EFCAB13: variants seen among roughly 807,000 people sequenced by gnomAD.
EFCAB13 encodes the protein EF-hand calcium binding domain 13.
A neutral mutation model predicts 110.2 loss-of-function variants in EFCAB13; 91 were observed. That is an observed-to-expected ratio of 0.83 (90% CI 0.70 to 0.98). The LOEUF (loss-of-function observed/expected upper bound fraction) is 0.98. EFCAB13 is among the 50% of genes least tolerant of loss of function. The pLI is 0.00. For synonymous variants in EFCAB13, 323 were observed against 369.9 expected (o/e 0.87, Z 1.45); for missense variants, 968 against 1,119.4 (o/e 0.86, Z 1.93).
intron 6 of EFCAB13, 95 bp downstream of exon 6, chr17:47,342,127 TCA>T: frequency 1.5e-6 from 1 of 687,572 alleles, no homozygotes; most frequent in Non-Finnish European, 2.5e-6. Flanking sequence ...TGTTGAAATG[TCA>T]CAGTCTTAAA....
intron 12 of EFCAB13, 100 bp downstream of exon 12, chr17:47,375,066 C>T (rs2143363166): frequency 1.6e-6 from 2 of 1,253,620 alleles, no homozygotes; most frequent in Non-Finnish European, 2.1e-6. Context: ...TGTTAACACC[C>T]TGGGTAACCA....
At chr17:47,413,153 A>G (rs12051702) in intron 22 of EFCAB13, among the ~76,000 whole-genome samples, 3,447 of 152,298 alleles carry the variant, frequency 0.023, 113 homozygotes, top group East Asian at 0.18. Flanking sequence ...ACTTATAAGC[A>G]TGGGTGGAAA....
intron 24 of EFCAB13, among the ~76,000 whole-genome samples, chr17:47,434,625 A>G: frequency 6.6e-6 from 1 of 152,212 alleles, no homozygotes; most frequent in Non-Finnish European, 1.5e-5. Flanking sequence ...GGAGCATCAC[A>G]TTACCTGTCT....
At chr17:47,422,383 G>C (rs888882016) in intron 23 of EFCAB13, among the ~76,000 whole-genome samples, 5 of 152,070 alleles carry the variant, frequency 3.3e-5, no homozygotes, top group Admixed American at 1.3e-4. Flanking sequence ...GGAAGTCCTA[G>C]CCAGTATCAC....
At position 47,379,166 on chromosome 17, in the gene EFCAB13, C is replaced by T. The variant is rs1177603716; in HGVS notation, c.1511-16C>T. On this transcript the variant is annotated splice_polypyrimidine_tract_variant and intron_variant, in intron 13 of 24. Transcript: ENST00000331493. ...AATACACCAGAATGTATAATCTAAA[C>T]TCTTTTTAAAAACAGAGAATGGAAT... 4 of 1,606,758 alleles carry T rather than the reference C, an allele frequency of 2.5e-6. No homozygotes were observed. The highest frequency in any genetic ancestry group is 2.6e-6 in the Non-Finnish European group (3 of 1,174,100).
chr17:47,383,722 C>T (rs968163651), intron 14 of EFCAB13, among the ~76,000 whole-genome samples: 6 of 151,850 alleles, frequency 4.0e-5, no homozygotes, highest in African/African-American at 1.5e-4. Flanking sequence ...AGAATAAGTG[C>T]GATGTAGTGC....
At chr17:47,406,425 A>G (rs1401965593) in intron 20 of EFCAB13, among the ~76,000 whole-genome samples, 1 of 152,154 alleles carries the variant, frequency 6.6e-6, no homozygotes, top group Middle Eastern at 3.2e-3. Context: ...AGCAATTTAA[A>G]TGTCATTGTT....
At chr17:47,370,734 G>GTTTTTT (rs1567790272) in intron 11 of EFCAB13, among the ~76,000 whole-genome samples, 1 of 87,620 alleles carries the variant, frequency 1.1e-5, no homozygotes. Flanking sequence ...TGTTGTTGTT[G>GTTTTTT]TTTGTTTTTT....
chr17:47,352,067 A>T (rs1277541577), intron 9 of EFCAB13, among the ~76,000 whole-genome samples: 1 of 150,806 alleles, frequency 6.6e-6, no homozygotes, highest in Non-Finnish European at 1.5e-5. Context: ...ACGCCTGGCT[A>T]ATTTTTTTGT....
At chr17:47,380,037 C>A (rs145614558) in intron 14 of EFCAB13, among the ~76,000 whole-genome samples, 1 of 152,046 alleles carries the variant, frequency 6.6e-6, no homozygotes, top group Non-Finnish European at 1.5e-5. Flanking sequence ...ATTAGCAAGT[C>A]GATTTCTTTT....
At chr17:47,346,435 C>CCT (rs1555578081) in intron 8 of EFCAB13, among the ~76,000 whole-genome samples, 3 of 104,224 alleles carry the variant, frequency 2.9e-5, no homozygotes, top group Admixed American at 1.1e-4. Flanking sequence ...CGTACTTTAC[C>CCT]CCCCCCCCCA....
intron 8 of EFCAB13, 75 bp from the exon 9 acceptor site, chr17:47,347,733 T>G: frequency 8.4e-7 from 1 of 1,187,962 alleles, no homozygotes; most frequent in Non-Finnish European, 1.1e-6. Context: ...GATTATTATT[T>G]TTTTGAGAGT....
At chr17:47,363,590 T>G (rs2065529066) in intron 10 of EFCAB13, among the ~76,000 whole-genome samples, 1 of 151,996 alleles carries the variant, frequency 6.6e-6, no homozygotes, top group African/African-American at 2.4e-5. Flanking sequence ...ACTGGAAGCC[T>G]TAGGGAAAGA....
chr17:47,344,128 C>G, intron 6 of EFCAB13, 34 bp from the exon 7 acceptor site: 3 of 1,602,618 alleles, frequency 1.9e-6, no homozygotes, highest in Non-Finnish European at 2.6e-6. Context: ...GTGTCACTCA[C>G]CTCAGGCACC....
intron 23 of EFCAB13, among the ~76,000 whole-genome samples, chr17:47,424,874 CTTTTTTTTTTTTT>C (rs548271723): frequency 8.1e-5 from 3 of 36,902 alleles, no homozygotes; most frequent in Non-Finnish European, 1.5e-4. Flanking sequence ...GGTTGACAAT[CTTTTTTTTTTTTT>C]TTTTTTTTTT....
At chr17:47,423,211 A>G (rs763121302) in intron 23 of EFCAB13, among the ~76,000 whole-genome samples, 5 of 152,170 alleles carry the variant, frequency 3.3e-5, no homozygotes, top group Admixed American at 1.3e-4. Flanking sequence ...CATTGTATCA[A>G]TGTAATAATT....
chr17:47,439,573 CCT>C (rs1427747021), intron 24 of EFCAB13, among the ~76,000 whole-genome samples: 1 of 152,046 alleles, frequency 6.6e-6, no homozygotes, highest in East Asian at 1.9e-4. Flanking sequence ...TAATATTCTG[CCT>C]CTTAGTTACA....
chr17:47,366,363 G>T (rs1439427137), intron 10 of EFCAB13, among the ~76,000 whole-genome samples: 1 of 151,576 alleles, frequency 6.6e-6, no homozygotes. Flanking sequence ...AAATTGAACT[G>T]GGTGGGAAGT....
chr17:47,377,670 T>C, intron 12 of EFCAB13, 96 bp from the exon 13 acceptor site: 2 of 1,090,576 alleles, frequency 1.8e-6, no homozygotes, highest in South Asian at 3.8e-5. Flanking sequence ...ATAAAATAGA[T>C]AAAACTTGTT....
Sources: allele counts gnomAD v4.1 joint callset (sites outside exome capture counted in the v4.1 genomes callset), GRCh38; gene constraint gnomAD v4.1.1; transcripts MANE v1.5; gene names NCBI Gene and HGNC (gene_info 2026-07-23, HGNC 2026-07-21).